The following ESCO2 variants were observed in gnomAD, a reference collection of about 807,000 sequenced individuals.
ESCO2 encodes establishment of sister chromatid cohesion N-acetyltransferase 2.
A neutral mutation model predicts 61.7 loss-of-function variants in ESCO2; 51 were observed. The observed-to-expected ratio is 0.83, with a 90% CI of 0.66 to 1.04. ESCO2 has a LOEUF of 1.04. Among genes scored for constraint, ESCO2 ranks in the 50% least tolerant of loss-of-function variants. The pLI is 0.00. For synonymous variants in ESCO2, 230 were observed against 238.2 expected, an observed-to-expected ratio of 0.97 and a Z score of 0.32; for missense variants, 692 against 686.2, an observed-to-expected ratio of 1.01 and a Z score of -0.09.
At chr8:27,791,861 A>G in intron 7 of ESCO2, 102 bp from the exon 8 acceptor site, 7 of 965,402 alleles carry the variant, frequency 7.3e-6, no homozygotes, top group Non-Finnish European at 1.2e-5. Context: ...TTTTATATCT[A>G]TTATTGTTTA....
chr8:27,804,848 TTTTG>T lies in ESCO2; in HGVS notation c.*1415_*1418del. The T allele has an allele frequency of 1.3e-6, 1 of 792,342 alleles. No homozygotes were observed. The highest frequency in any genetic ancestry group is 1.5e-6 in the Non-Finnish European group (1 of 653,620). 49.1% of individuals were successfully genotyped at this position (792,342 alleles called of 1,614,324 possible). On this transcript the variant is annotated 3_prime_UTR_variant, in exon 11 of 11. Transcript: ENST00000305188. The stretch of plus-strand genomic sequence containing the variant: ...TTTTATTTAAAATTTTTAATTAACA[TTTTG>T]TTTGCTTAATGCTTTTGTTATGAAT...
At chr8:27,811,926 T>G (rs1370144096), downstream of ESCO2, 1 of 152,236 alleles carries the variant, frequency 6.6e-6, no homozygotes. Flanking sequence ...AATTCCATTT[T>G]CAATTATATA....
downstream of ESCO2, among the ~76,000 whole-genome samples, chr8:27,817,313 T>TA (rs1193868952): frequency 6.6e-6 from 1 of 152,140 alleles, no homozygotes; most frequent in African/African-American, 2.4e-5. Flanking sequence ...TTTATCATCA[T>TA]AGAAAGTTTC....
chr8:27,774,631 C>CG (rs796924510), intron 1 of ESCO2, 24 bp downstream of exon 1: 79 of 152,416 alleles, frequency 5.2e-4, no homozygotes, highest in African/African-American at 1.6e-3. Flanking sequence ...TAGGCCGAGG[C>CG]GGGGGGCTGT....
chr8:27,812,180 T>C (rs1585420368), downstream of ESCO2: 3 of 152,296 alleles, frequency 2.0e-5, no homozygotes, highest in Non-Finnish European at 4.4e-5. Flanking sequence ...CAGGTTTTTC[T>C]TGTAGACAGC....
At chr8:27,812,159 TATG>T (rs1805699593), downstream of ESCO2, 1 of 152,174 alleles carries the variant, frequency 6.6e-6, no homozygotes, top group Non-Finnish European at 1.5e-5. Flanking sequence ...CCTACTTCAG[TATG>T]ATACCTGCAG....
intron 9 of ESCO2, among the ~76,000 whole-genome samples, chr8:27,794,632 C>T (rs1261188008): frequency 6.6e-6 from 1 of 152,076 alleles, no homozygotes; most frequent in Admixed American, 6.6e-5. Flanking sequence ...TTTTTGGGGT[C>T]ATAGCCAAAA....
At chr8:27,812,625 A>G (rs1455632179), downstream of ESCO2, 4 of 40,872 alleles carry the variant, frequency 9.8e-5, no homozygotes, top group East Asian at 6.0e-4. Flanking sequence ...AATTTACAAG[A>G]AAAAAAAAAA....
At chr8:27,816,172 G>A (rs578146334), downstream of ESCO2, among the ~76,000 whole-genome samples, 1 of 151,776 alleles carries the variant, frequency 6.6e-6, no homozygotes, top group East Asian at 1.9e-4. Flanking sequence ...CTGTCATCTT[G>A]TCTCATTAGT....
At chr8:27,772,771 CTGGGCATCT>C, upstream of ESCO2, 1 of 556,052 alleles carries the variant, frequency 1.8e-6, no homozygotes. Context: ...GGGAAAGAGG[CTGGGCATCT>C]TGGGCACGTT....
downstream of ESCO2, among the ~76,000 whole-genome samples, chr8:27,808,708 TCAG>T (rs1805612340): frequency 7.5e-6 from 1 of 133,260 alleles, no homozygotes; most frequent in Non-Finnish European, 1.6e-5. Flanking sequence ...AAAAAAGCCC[TCAG>T]CCAAGTCACA....
intron 8 of ESCO2, 72 bp from the exon 9 acceptor site, chr8:27,792,596 T>C: frequency 1.4e-6 from 2 of 1,427,772 alleles, no homozygotes; most frequent in Non-Finnish European, 1.9e-6. Context: ...ATACATTCTG[T>C]GTATATAAAT....
chr8:27,786,191 G>A (rs561588437), intron 5 of ESCO2, among the ~76,000 whole-genome samples: 1 of 152,320 alleles, frequency 6.6e-6, no homozygotes, highest in South Asian at 2.1e-4. Flanking sequence ...GTTACTATGG[G>A]ACTGAACGAA....
chr8:27,819,098 G>T, the ESCO2 span, among the ~76,000 whole-genome samples: 1 of 151,986 alleles, frequency 6.6e-6, no homozygotes, highest in Admixed American at 6.6e-5. Context: ...TTTAATTACT[G>T]TAGCTTTATA....
In ESCO2 at chr8:27,793,947, A is replaced by G. The variant is rs151118089; in HGVS notation, c.1497+1136A>G. Among the ~76,000 whole-genome samples the G allele has an allele frequency of 8.7e-4, 132 of 152,282 alleles. 2 individuals are homozygous for G. In the East Asian group the frequency reaches 0.018, roughly 21 times the overall value. On this transcript the variant is annotated intron_variant, in intron 9 of 10. Transcript: ENST00000305188. The stretch of plus-strand genomic sequence containing the variant: ...GCAACCACCATTCTACTCTGCTTCT[A>G]TGAAGTCAACTTCTTTAGATTCAGT...
intron 6 of ESCO2, 148 bp from the exon 7 acceptor site, chr8:27,788,699 A>AT (rs1289601823): frequency 4.4e-6 from 4 of 916,648 alleles, no homozygotes; most frequent in Non-Finnish European, 6.7e-6. Flanking sequence ...GAAGGAGGAT[A>AT]TGGTAACCAG....
chr8:27,798,329 G>A (rs907916706), intron 9 of ESCO2, among the ~76,000 whole-genome samples: 9 of 152,118 alleles, frequency 5.9e-5, no homozygotes, highest in Admixed American at 3.9e-4. Context: ...GCGTGGTGGT[G>A]CATGCCTGTA....
intron 7 of ESCO2, among the ~76,000 whole-genome samples, chr8:27,790,898 T>G (rs546303568): frequency 6.8e-4 from 104 of 152,348 alleles, no homozygotes; most frequent in African/African-American, 2.5e-3. Flanking sequence ...CCTGTGCTAG[T>G]GCCATACTTT....
chr8:27,799,477 T>A, intron 9 of ESCO2, 64 bp from the exon 10 acceptor site: 1 of 1,547,240 alleles, frequency 6.5e-7, no homozygotes, highest in South Asian at 1.1e-5. Flanking sequence ...TAAGGAATTT[T>A]TTTTTAAAGC....
Sources: gnomAD v4.1 joint callset for allele counts (sites outside exome capture counted in the v4.1 genomes callset) on GRCh38, gnomAD v4.1.1 for gene constraint, MANE v1.5 for transcripts, NCBI Gene and HGNC (gene_info 2026-07-23, HGNC 2026-07-21) for gene names.